The following TMEM135 variants were observed in gnomAD, a reference collection of about 807,000 sequenced individuals.
TMEM135 encodes the protein transmembrane protein 135, also known as peroxisomal membrane protein 52.
A neutral mutation model predicts 60.3 loss-of-function variants in TMEM135; 30 were observed. The ratio of observed to expected loss-of-function variants is 0.50; its 90% CI spans 0.37 to 0.68. TMEM135 has a LOEUF of 0.68. TMEM135 is among the 30% of genes least tolerant of loss of function. The pLI is 0.00. For missense variants in TMEM135, 468 were observed against 548.8 expected (o/e 0.85, Z 1.47); for synonymous variants, 190 against 186.7 (o/e 1.02, Z -0.14).
intron 1 of TMEM135, among the ~76,000 whole-genome samples, chr11:87,044,476 A>G (rs1949777346): frequency 6.6e-6 from 1 of 152,114 alleles, no homozygotes; most frequent in Admixed American, 6.5e-5. Flanking sequence ...ATCTGTCTAG[A>G]TTATCTGAGC....
intron 4 of TMEM135, among the ~76,000 whole-genome samples, chr11:87,126,389 A>G (rs1426585397): frequency 6.6e-6 from 1 of 151,990 alleles, no homozygotes; most frequent in Admixed American, 6.6e-5. Flanking sequence ...CTTTTATCAA[A>G]TATTTTATAA....
chr11:87,300,927 G>C (rs186607391), intron 7 of TMEM135, among the ~76,000 whole-genome samples: 1 of 141,490 alleles, frequency 7.1e-6, no homozygotes, highest in Non-Finnish European at 1.6e-5. Flanking sequence ...TCCTGTAAAT[G>C]AACAGTAAAT....
chr11:87,323,454 A>G lies in TMEM135; in HGVS notation c.*2121A>G. On this transcript the variant is annotated 3_prime_UTR_variant, in exon 15 of 15. Transcript: ENST00000305494. ...AGACAATCAGAATGATTACCTTTCT[A>G]CCTCTAACTAATCAGGTATTGATTG... The G allele has an allele frequency of 2.2e-6, 1 of 454,012 alleles. No homozygotes were observed. The highest frequency in any genetic ancestry group is 4.4e-6 in the Non-Finnish European group (1 of 226,742). The allele number at this position is 454,012 out of a possible 1,614,324, so 28.1% of individuals were successfully genotyped here.
At chr11:87,155,293 C>A (rs541176972) in intron 4 of TMEM135, among the ~76,000 whole-genome samples, 2 of 152,192 alleles carry the variant, frequency 1.3e-5, no homozygotes. Flanking sequence ...GCCGCCATGC[C>A]CAGACTGTTT....
At chr11:87,193,853 A>G (rs1444758458) in intron 5 of TMEM135, among the ~76,000 whole-genome samples, 1 of 150,416 alleles carries the variant, frequency 6.6e-6, no homozygotes, top group African/African-American at 2.4e-5. Flanking sequence ...TAATAGGCCT[A>G]TGATCATGCT....
rs375299310 is a variant in TMEM135, at chr11:87,298,869, C to G, written c.551+3046C>G. Among the ~76,000 whole-genome samples the G allele has an allele frequency of 2.3e-4, 34 of 150,950 alleles. No homozygotes were observed. The East Asian group carries it at 6.0e-3, about 27-fold the overall frequency. Reference sequence around the variant, plus strand: ...TTGGGAGGCCAAGGCAGGTAGATCACGAGGTCAGCAGATTGAGACCAGACT... The same window carrying G: ...TTGGGAGGCCAAGGCAGGTAGATCAGGAGGTCAGCAGATTGAGACCAGACT... On this transcript the variant is annotated intron_variant, in intron 7 of 14. Coordinates refer to ENST00000305494, the MANE Select transcript of TMEM135 (RefSeq NM_022918.4).
intron 5 of TMEM135, among the ~76,000 whole-genome samples, chr11:87,198,425 A>G (rs1940009222): frequency 6.6e-6 from 1 of 152,166 alleles, no homozygotes; most frequent in Admixed American, 6.5e-5. Flanking sequence ...GTCAGCAACA[A>G]AAAAGTTAAT....
intron 4 of TMEM135, among the ~76,000 whole-genome samples, chr11:87,124,779 C>G (rs1227416678): frequency 6.6e-6 from 1 of 152,022 alleles, no homozygotes; most frequent in Non-Finnish European, 1.5e-5. Context: ...TCTCCTCCTT[C>G]CCTTCATTTA....
intron 5 of TMEM135, among the ~76,000 whole-genome samples, chr11:87,173,011 C>T (rs779963711): frequency 7.2e-5 from 11 of 151,840 alleles, no homozygotes; most frequent in Non-Finnish European, 1.6e-4. Context: ...AGAAACCAAG[C>T]ATTTTCTTAC....
intron 6 of TMEM135, among the ~76,000 whole-genome samples, chr11:87,295,222 T>C (rs1942329020): frequency 6.6e-6 from 1 of 152,170 alleles, no homozygotes; most frequent in African/African-American, 2.4e-5. Context: ...GTCTTTCTGC[T>C]CTCCCCTCAC....
rs1857808774 is a variant in TMEM135 at position 87,113,665 on chromosome 11, A to T, written c.396+22270A>T. ...TTTGGTATCAGTTTTCACACTAATT[A>T]GTGTCCATTTGACTCCTAGGCCCCT... On this transcript the variant is annotated intron_variant, in intron 4 of 14. Coordinates refer to ENST00000305494, the MANE Select transcript of TMEM135 (RefSeq NM_022918.4). Among the ~76,000 whole-genome samples, 4 of 152,052 alleles carry T rather than the reference A, an allele frequency of 2.6e-5. No homozygotes were observed. In the South Asian group the frequency reaches 8.3e-4, roughly 31 times the overall value.
At chr11:87,266,772 A>C in intron 6 of TMEM135, among the ~76,000 whole-genome samples, 1 of 152,220 alleles carries the variant, frequency 6.6e-6, no homozygotes, top group East Asian at 1.9e-4. Flanking sequence ...ATAGAGGGTC[A>C]AAGGCCTGAA....
intron 5 of TMEM135, among the ~76,000 whole-genome samples, chr11:87,232,479 C>A (rs1291045801): frequency 6.6e-6 from 1 of 150,988 alleles, no homozygotes; most frequent in Middle Eastern, 3.2e-3. Flanking sequence ...ACCCCAGGCA[C>A]ATCATAACAA....
At chr11:87,056,122 T>C (rs1949892264) in intron 1 of TMEM135, among the ~76,000 whole-genome samples, 1 of 152,220 alleles carries the variant, frequency 6.6e-6, no homozygotes, top group African/African-American at 2.4e-5. Context: ...TGCTATATTT[T>C]GCAAGAATTG....
At chr11:87,054,655 C>A (rs1158171786) in intron 1 of TMEM135, among the ~76,000 whole-genome samples, 1 of 152,098 alleles carries the variant, frequency 6.6e-6, no homozygotes, top group Non-Finnish European at 1.5e-5. Flanking sequence ...TTGATTCTTA[C>A]TTGATCTTGG....
rs1265606944 is a variant in TMEM135 at position 87,322,556 on chromosome 11, G to T, written c.*1223G>T. On this transcript the variant is annotated 3_prime_UTR_variant, in exon 15 of 15. Coordinates refer to ENST00000305494, the MANE Select transcript of TMEM135 (RefSeq NM_022918.4). ...TTTTCTATGTTAATAAAGAGCTGAA[G>T]TGGTCTACAGTTAATGTGACATGTA... 1 of 453,862 alleles carries T rather than the reference G, an allele frequency of 2.2e-6. No homozygotes were observed. Among genetic ancestry groups the T allele is most frequent in the East Asian group, 6.9e-5 (1 of 14,408 alleles). The allele number at this position is 453,862 out of a possible 1,614,324, so 28.1% of individuals were successfully genotyped here. A position where few individuals can be genotyped will look rare whatever the true frequency, so the allele number is the denominator to read the frequency against.
At chr11:87,130,536 T>C (rs534756103) in intron 4 of TMEM135, among the ~76,000 whole-genome samples, 1 of 152,298 alleles carries the variant, frequency 6.6e-6, no homozygotes, top group African/African-American at 2.4e-5. Context: ...CCCTCTTCTT[T>C]CCCTACTGTC....
At chr11:87,130,501 C>T (rs1323077685) in intron 4 of TMEM135, among the ~76,000 whole-genome samples, 2 of 152,116 alleles carry the variant, frequency 1.3e-5, no homozygotes, top group Non-Finnish European at 2.9e-5. Context: ...TTCATATTGA[C>T]AGTTCCTCCT....
chr11:87,094,740 A>G (rs1322487030), intron 4 of TMEM135: 2 of 206,988 alleles, frequency 9.7e-6, no homozygotes, highest in African/African-American at 2.3e-5. Context: ...ATCTGCAACC[A>G]GAACCTCAGG....
Sources: allele counts gnomAD v4.1 joint callset (sites outside exome capture counted in the v4.1 genomes callset), GRCh38; gene constraint gnomAD v4.1.1; transcripts MANE v1.5; gene names NCBI Gene and HGNC (gene_info 2026-07-23, HGNC 2026-07-21).